VAT1L: variants seen among roughly 807,000 people sequenced by gnomAD.
VAT1L encodes putative NADPH-dependent quinone oxidoreductase VAT1L.
In VAT1L, 34 loss-of-function variants were observed where a neutral mutation model predicts 44.1. The ratio of observed to expected loss-of-function variants is 0.77; its 90% confidence interval spans 0.59 to 1.03. VAT1L has a LOEUF of 1.03. Ranked by LOEUF, VAT1L falls within the 50% of genes least tolerant of loss-of-function variation. The pLI is 0.00. For missense variants in VAT1L, 615 were observed against 538.8 expected, an observed-to-expected ratio of 1.14 and a Z score of -1.40; for synonymous variants, 253 against 202.2, an observed-to-expected ratio of 1.25 and a Z score of -2.13.
chr16:77,834,717 G>C (rs1190754212), intron 3 of VAT1L, among the ~76,000 whole-genome samples: 1 of 152,066 alleles, frequency 6.6e-6, no homozygotes, highest in Admixed American at 6.6e-5. Flanking sequence ...AAATCACTAA[G>C]ATTCCAGGCC....
At chr16:77,909,755 G>A (rs973223507) in intron 7 of VAT1L, among the ~76,000 whole-genome samples, 1 of 152,026 alleles carries the variant, frequency 6.6e-6, no homozygotes, top group African/African-American at 2.4e-5. Flanking sequence ...GGGGGCAACG[G>A]TTCAGAGAGG....
chr16:77,948,662 C>A (rs2018001834), intron 7 of VAT1L, among the ~76,000 whole-genome samples: 2 of 152,116 alleles, frequency 1.3e-5, no homozygotes, highest in Admixed American at 1.3e-4. Flanking sequence ...ATTGCCTTCC[C>A]TTTCTCACTA....
rs752817056 is a variant in VAT1L, at chr16:77,977,718, G to A, written c.*23G>A. 4.4e-6 allele frequency: 7 copies of A among 1,608,744 alleles called. No homozygotes were observed. In the South Asian group the frequency reaches 5.5e-5, roughly 13 times the overall value. On this transcript the variant is annotated 3_prime_UTR_variant, in exon 9 of 9. Coordinates refer to ENST00000302536, the MANE Select transcript of VAT1L (RefSeq NM_020927.3). ...TAACTGAGGACCCAGGTGGGAGAAT[G>A]TGAAGGATGGTTTGGAAGATGAGGA... is the stretch of plus-strand genomic sequence containing the variant.
At chr16:77,805,077 G>A (rs2016131890) in intron 1 of VAT1L, among the ~76,000 whole-genome samples, 1 of 152,116 alleles carries the variant, frequency 6.6e-6, no homozygotes, top group South Asian at 2.1e-4. Flanking sequence ...CCAGCAGTGT[G>A]GGAAGGGAGT....
chr16:77,832,907 C>T (rs1186759696), intron 3 of VAT1L, among the ~76,000 whole-genome samples: 2 of 152,166 alleles, frequency 1.3e-5, no homozygotes, highest in African/African-American at 2.4e-5. Context: ...AGGATTTGGA[C>T]ATGCAAGATA....
rs372324717 is a variant in VAT1L, at chr16:77,943,386, T to TG, written c.1078-28464_1078-28463insG. ...GCCTATTTTCTTTTTCTTTCTTTTT[T>TG]TTTTTTTTTTTGAGACAGAGTCTCG... On this transcript the variant is annotated intron_variant, in intron 7 of 8. Transcript: ENST00000302536. 7.5e-3 allele frequency among the ~76,000 whole-genome samples: 1,101 copies of TG among 146,826 alleles called. 12 individuals are homozygous for TG. The highest frequency in any genetic ancestry group is 0.011 in the Non-Finnish European group (737 of 66,468).
chr16:77,971,985 G>C, intron 8 of VAT1L, 52 bp downstream of exon 8: 2 of 1,557,262 alleles, frequency 1.3e-6, no homozygotes, highest in Non-Finnish European at 1.7e-6. Flanking sequence ...GAGCACCACG[G>C]GTCAATCAGA....
chr16:77,977,850 T>C lies in VAT1L; in HGVS notation c.*155T>C. ...GCTAAAAAGCTGTTGATCACTGTTG[T>C]TTTTTGAAGTGCCAATCCCATGCCA... On this transcript the variant is annotated 3_prime_UTR_variant, in exon 9 of 9. Coordinates refer to ENST00000302536, the MANE Select transcript of VAT1L (RefSeq NM_020927.3). 2 of 696,264 alleles carry C rather than the reference T, an allele frequency of 2.9e-6. No individual in the cohort carries two copies. The highest frequency in any genetic ancestry group is 4.9e-6 in the Non-Finnish European group (2 of 405,190). 43.1% of individuals were successfully genotyped at this position (696,264 alleles called of 1,614,324 possible). A position where few individuals can be genotyped will look rare whatever the true frequency, so the allele number is the denominator to read the frequency against.
At chr16:77,895,630 C>T (rs2017316079) in intron 7 of VAT1L, among the ~76,000 whole-genome samples, 1 of 152,088 alleles carries the variant, frequency 6.6e-6, no homozygotes, top group Non-Finnish European at 1.5e-5. Flanking sequence ...TGATGTTAGC[C>T]CTAAAGAGAC....
At chr16:77,814,564 G>C (rs908674891) in intron 1 of VAT1L, among the ~76,000 whole-genome samples, 5 of 152,174 alleles carry the variant, frequency 3.3e-5, no homozygotes, top group Admixed American at 2.6e-4. Context: ...CCTTCTCCAG[G>C]GGGCTGCCAT....
intron 7 of VAT1L, among the ~76,000 whole-genome samples, chr16:77,945,518 G>A (rs189053653): frequency 6.6e-6 from 1 of 151,936 alleles, no homozygotes; most frequent in Admixed American, 6.6e-5. Flanking sequence ...TCGAATTCCT[G>A]GCCTCAAGCG....
chr16:77,931,414 T>A (rs2017729731), intron 7 of VAT1L, among the ~76,000 whole-genome samples: 2 of 152,190 alleles, frequency 1.3e-5, no homozygotes, highest in Admixed American at 1.3e-4. Context: ...AAATAACTTT[T>A]ACATCAGATA....
intron 7 of VAT1L, among the ~76,000 whole-genome samples, chr16:77,923,355 CAGG>C (rs10599036): frequency 0.059 from 9,031 of 152,188 alleles, 324 homozygotes; most frequent in East Asian, 0.11. Flanking sequence ...GAGGCTGAGG[CAGG>C]AGAATAGCTT....
intron 7 of VAT1L, among the ~76,000 whole-genome samples, chr16:77,918,246 G>T (rs1316538173): frequency 6.6e-6 from 1 of 152,130 alleles, no homozygotes; most frequent in Non-Finnish European, 1.5e-5. Context: ...AGGTGATACA[G>T]TGAGCCCAAT....
chr16:77,788,733 G>C lies in VAT1L; in HGVS notation c.51G>C (p.Glu17Asp), dbSNP rs1427336307. The C allele has an allele frequency of 5.1e-6, 8 of 1,559,348 alleles. No individual in the cohort carries two copies. Among genetic ancestry groups the C allele is most frequent in the African/African-American group, 1.4e-5 (1 of 74,054 alleles). ...CGGAGGAGACGGAGCAAATGATCGA[G>C]AAGGAGGCAGGCAAGGAGCCGGCGG... ...EKAEETEQMI[E>D]KEAGKEPAEG... is the part of the protein sequence containing the mutation. Residue 17 changes from glutamate to aspartate, a missense_variant, in exon 1 of 9, where the codon GAG (glutamate) becomes GAC (aspartate). By Grantham distance (45) the Glu-to-Asp change is conservative. Transcript: ENST00000302536.
Position 77,811,307 on chromosome 16 carries a change from C to T in VAT1L, c.234-5614C>T, listed in dbSNP as rs2016261002. On this transcript the variant is annotated intron_variant, in intron 1 of 8. Transcript: ENST00000302536. ...ACTCCTTCTTTTGAGTCACTTTTAA[C>T]CTCAAATTGGAAAATTAATAAACTA... is the stretch of plus-strand genomic sequence containing the variant. 2.6e-5 allele frequency among the ~76,000 whole-genome samples: 4 copies of T among 152,192 alleles called. No homozygotes were observed. In the South Asian group the frequency reaches 8.3e-4, roughly 31 times the overall value.
chr16:77,826,220 A>G (rs1441418253), intron 3 of VAT1L, among the ~76,000 whole-genome samples: 1 of 151,490 alleles, frequency 6.6e-6, no homozygotes, highest in Non-Finnish European at 1.5e-5. Context: ...AAAAAAAAAA[A>G]AGAAAAAGAG....
rs1424369893 is a variant in VAT1L, at chr16:77,980,041, T to A, written c.*2346T>A. ...TGTGGCTTTAGAGCTTTTGTTATAT[T>A]GTGCCTATAAAGCAAATTATGTTTA... On this transcript the variant is annotated 3_prime_UTR_variant, in exon 9 of 9. Coordinates refer to ENST00000302536, the MANE Select transcript of VAT1L (RefSeq NM_020927.3). 12 of 152,644 alleles carry A rather than the reference T, an allele frequency of 7.9e-5. No homozygotes were observed. The highest frequency in any genetic ancestry group is 2.9e-4 in the African/African-American group (12 of 41,462). The allele number at this position is 152,644 out of a possible 1,614,324, so 9.5% of individuals were successfully genotyped here.
chr16:77,881,931 C>T (rs1203920923), intron 6 of VAT1L, among the ~76,000 whole-genome samples: 1 of 152,212 alleles, frequency 6.6e-6, no homozygotes, highest in Non-Finnish European at 1.5e-5. Flanking sequence ...ATGCACAATC[C>T]CAACACACAG....
Sources: allele counts gnomAD v4.1 joint callset (sites outside exome capture counted in the v4.1 genomes callset), GRCh38; gene constraint gnomAD v4.1.1; transcripts MANE v1.5; gene names NCBI Gene and HGNC (gene_info 2026-07-23, HGNC 2026-07-21).